The following LGI4 variants were observed in gnomAD, a reference collection of about 807,000 sequenced individuals.
LGI4 encodes leucine rich repeat LGI family member 4.
Under a neutral mutation model 48.3 loss-of-function variants are expected in LGI4, and 36 were observed. The ratio of observed to expected loss-of-function variants is 0.75; its 90% CI spans 0.57 to 0.98. The LOEUF is 0.98. LGI4 is among the 50% of genes least tolerant of loss of function. The pLI is 0.00. For synonymous variants in LGI4, 355 were observed against 331.6 expected (o/e 1.07, Z -0.77); for missense variants, 701 against 732.1 (o/e 0.96, Z 0.49).
At chr19:35,130,397 A>G (rs527336556) in intron 6 of LGI4, among the ~76,000 whole-genome samples, 23 of 152,306 alleles carry the variant, frequency 1.5e-4, no homozygotes, top group African/African-American at 5.1e-4. Context: ...TATTCATAGC[A>G]TCTGTGGCCG....
chr19:35,124,964 G>T lies in LGI4; in HGVS notation c.*229C>A. The T allele has an allele frequency of 2.5e-6, 1 of 401,874 alleles. No individual in the cohort carries two copies. The highest frequency in any genetic ancestry group is 4.4e-6 in the Non-Finnish European group (1 of 226,824). 24.9% of individuals were successfully genotyped at this position (401,874 alleles called of 1,614,324 possible). A position where few individuals can be genotyped will look rare whatever the true frequency, so the allele number is the denominator to read the frequency against. On this transcript the variant is annotated 3_prime_UTR_variant, in exon 9 of 9. Transcript: ENST00000310123. ...TCTGCCCCAGCCGAGATGTCCAGAT[G>T]TTGCTTTAGACCTGAAGGGCAGCTC...
chr19:35,133,505 A>G, intron 3 of LGI4, 188 bp downstream of exon 3: 1 of 1,429,354 alleles, frequency 7.0e-7, no homozygotes, highest in Non-Finnish European at 9.1e-7. Context: ...ACCAGCCCTG[A>G]GAACTTCATC....
chr19:35,126,749 G>A lies in LGI4; in HGVS notation c.820C>T (p.Leu274=). 6.5e-7 allele frequency: 1 copy of A among 1,542,930 alleles called. No individual in the cohort carries two copies. Among genetic ancestry groups the A allele is most frequent in the South Asian group, 1.2e-5 (1 of 84,392 alleles). The change falls in exon 8 of 9, where the codon CTG becomes TTG. Residue 274 remains leucine, a synonymous_variant. Transcript: ENST00000310123. The part of the protein sequence containing the change: ...PAASVVSCKP[L]VLGPSLFVLA... ...ACGAAGAGGCTCGGGCCCAGCACCAGTGGCTTGCAGGACACCACGGAGGCC... is the reference window on the plus strand; with the variant it reads ...ACGAAGAGGCTCGGGCCCAGCACCAATGGCTTGCAGGACACCACGGAGGCC...
chr19:35,131,061 A>G (rs1182521263), intron 6 of LGI4: 2 of 590,548 alleles, frequency 3.4e-6, no homozygotes, highest in African/African-American at 1.9e-5. Flanking sequence ...TTCTTAGCGC[A>G]ATACTTGGCA....
intron 6 of LGI4, among the ~76,000 whole-genome samples, chr19:35,127,612 T>C (rs962002146): frequency 6.6e-6 from 1 of 151,936 alleles, no homozygotes; most frequent in South Asian, 2.1e-4. Context: ...TGTCTCGAAC[T>C]CCTGACCTCA....
chr19:35,128,811 TC>T (rs1195600651), intron 6 of LGI4, among the ~76,000 whole-genome samples: 1 of 152,130 alleles, frequency 6.6e-6, no homozygotes, highest in African/African-American at 2.4e-5. Context: ...TACCTGTCCC[TC>T]CACTCACTAC....
chr19:35,133,716 C>A lies in LGI4; in HGVS notation c.291G>T (p.Ala97=). Residue 97 remains alanine, a synonymous_variant, in exon 3 of 9, where the codon GCG becomes GCT. Transcript: ENST00000310123. ...ACAGGTACTGCAGGTGGGACAGGCC[C>A]GCAAATGCATCGTCCTCAATCACGG... ...SFSVIEDDAF[A]GLSHLQYLFI... 6.2e-7 allele frequency: 1 copy of A among 1,608,158 alleles called. No homozygotes were observed. Among genetic ancestry groups the A allele is most frequent in the Non-Finnish European group, 8.5e-7 (1 of 1,177,780 alleles).
intron 6 of LGI4, chr19:35,131,029 G>A: frequency 1.7e-6 from 1 of 579,932 alleles, no homozygotes; most frequent in African/African-American, 1.9e-5. Flanking sequence ...TCAATGTAAA[G>A]GAGGTGACAT....
Position 35,125,256 on chromosome 19 carries a change from A to G in LGI4, c.1551T>C (p.Phe517=), listed in dbSNP as rs762230890. ...GTGTGGGGCCCTTAAAGCAAGCAGC[A>G]AAGAGGAAGCGTCTGCCGGCCATAG... ...HITMAGRRFL[F]AACFKGPTQI... is the part of the protein sequence containing the mutation. The change falls in exon 9 of 9, where the codon TTT becomes TTC. Residue 517 remains phenylalanine, a synonymous_variant. Transcript: ENST00000310123. 6.3e-7 allele frequency: 1 copy of G among 1,594,084 alleles called. No individual in the cohort carries two copies. Among genetic ancestry groups the G allele is most frequent in the Admixed American group, 1.8e-5 (1 of 56,472 alleles).
At position 35,131,983 on chromosome 19, in the gene LGI4, G is replaced by A. The variant is rs528007373; in HGVS notation, c.374C>T (p.Ser125Leu). The A allele has an allele frequency of 2.0e-4, 316 of 1,589,004 alleles. 1 individual carries two copies. The highest frequency in any genetic ancestry group is 2.6e-4 in the Non-Finnish European group (306 of 1,167,412). The change falls in exon 4 of 9, where the codon TCG becomes TTG. Residue 125 changes from serine to leucine, a missense_variant. Coordinates refer to ENST00000310123, the MANE Select transcript of LGI4 (RefSeq NM_139284.3). ...TGGAGGCACGCACAGGTGTGTAAGC[G>A]AGCGAAGTCCTCTGAGGGCATTCTT... is the stretch of plus-strand genomic sequence containing the variant. Reference protein sequence around the residue: ...ISKNALRGLRSLTHLSLANNH... With the variant: ...ISKNALRGLRLLTHLSLANNH...
Position 35,125,167 on chromosome 19 carries a change from C to T in LGI4, c.*26G>A. ...CCAAGGGGCCGTCCAGGGGCCCCAG[C>T]CATGCCCAGAGTCCCGTTGGTGGTC... On this transcript the variant is annotated 3_prime_UTR_variant, in exon 9 of 9. Coordinates refer to ENST00000310123, the MANE Select transcript of LGI4 (RefSeq NM_139284.3). The T allele has an allele frequency of 6.6e-7, 1 of 1,505,132 alleles. No individual in the cohort carries two copies. Among genetic ancestry groups the T allele is most frequent in the Non-Finnish European group, 8.9e-7 (1 of 1,125,026 alleles). 93.2% of individuals were successfully genotyped at this position (1,505,132 alleles called of 1,614,324 possible).
chr19:35,126,279 C>T lies in LGI4; in HGVS notation c.1290G>A (p.Gly430=). 4 of 1,611,850 alleles carry T rather than the reference C, an allele frequency of 2.5e-6. No homozygotes were observed. The highest frequency in any genetic ancestry group is 3.4e-6 in the Non-Finnish European group (4 of 1,179,528). ...CCAGGCCCAGCCTCACCATGGAGTC[C>T]CCAATGTAGCGTGTGAGGCACAGGA... ...DVFLCLTRYI[G]DSMVMRWDGS... Residue 430 remains glycine, a synonymous_variant, in exon 8 of 9, where the codon GGG becomes GGA. Coordinates refer to ENST00000310123, the MANE Select transcript of LGI4 (RefSeq NM_139284.3).
At position 35,126,319 on chromosome 19, in the gene LGI4, G is replaced by A; in HGVS notation, c.1250C>T (p.Ala417Val). The A allele has an allele frequency of 6.2e-7, 1 of 1,611,882 alleles. No individual in the cohort carries two copies. Among genetic ancestry groups the A allele is most frequent in the Non-Finnish European group, 8.5e-7 (1 of 1,179,516 alleles). ...GAGGCACAGGAACACGTCCCCACCA[G>A]CCTGGAAGTGGCGTGTGGCATAGAC... ...EDVYATRHFQ[A>V]GGDVFLCLTR... is the part of the protein sequence containing the mutation. Residue 417 changes from alanine (A) to valine (V), a missense_variant, in exon 8 of 9, where the codon GCT (alanine) becomes GTT (valine). This residue lies in a region of LGI4 where 223 missense variants were observed against 263.3 expected (regional missense o/e 0.85). Coordinates refer to ENST00000310123, the MANE Select transcript of LGI4 (RefSeq NM_139284.3).
In LGI4 at chr19:35,134,746, T is replaced by C. The variant is rs925133794; in HGVS notation, c.-66A>G. On this transcript the variant is annotated 5_prime_UTR_variant, in exon 1 of 9. Coordinates refer to ENST00000310123, the MANE Select transcript of LGI4 (RefSeq NM_139284.3). Reference sequence around the variant, plus strand: ...ACCCAGCTCAGCCCAGGCCACTACGTCTCCTCCTCCACCAGGCCGCCCTCC... The same window carrying C: ...ACCCAGCTCAGCCCAGGCCACTACGCCTCCTCCTCCACCAGGCCGCCCTCC... 10 of 850,556 alleles carry C rather than the reference T, an allele frequency of 1.2e-5. No individual in the cohort carries two copies. In the African/African-American group the frequency reaches 1.8e-4, roughly 15 times the overall value. The allele number at this position is 850,556 out of a possible 1,614,324, so 52.7% of individuals were successfully genotyped here. A position where few individuals can be genotyped will look rare whatever the true frequency, so the allele number is the denominator to read the frequency against.
chr19:35,133,595 C>T, intron 3 of LGI4, 98 bp downstream of exon 3: 1 of 1,501,584 alleles, frequency 6.7e-7, no homozygotes, highest in South Asian at 1.2e-5. Context: ...AACACCTGCT[C>T]CTCAGGGCCA....
In LGI4 at chr19:35,125,500, C is replaced by T. The variant is rs773877731; in HGVS notation, c.1307G>A (p.Arg436His). 12 of 1,555,490 alleles carry T rather than the reference C, an allele frequency of 7.7e-6. No homozygotes were observed. Among genetic ancestry groups the T allele is most frequent in the Admixed American group, 7.5e-5 (4 of 52,984 alleles). ...TRYIGDSMVMRWDGSMFRLLQ... is the reference protein window; with the variant it reads ...TRYIGDSMVMHWDGSMFRLLQ... ...CAGACGAAACATGGAGCCGTCCCAG[C>T]GCATGACCTGTGGGGGTGTGGCCAG... The change falls in exon 9 of 9, where the codon CGC becomes CAC. Residue 436 changes from arginine to histidine, a missense_variant. This residue lies in a region of LGI4 where 223 missense variants were observed against 263.3 expected (regional missense o/e 0.85). Transcript: ENST00000310123.
Position 35,125,111 on chromosome 19 carries a change from G to T in LGI4, c.*82C>A. Reference sequence around the variant, plus strand: ...GCCCACGGTCAGCAGCTCACAGGCGGGCCATCACCCCAAGTAGGGCCAGGA... The same window carrying T: ...GCCCACGGTCAGCAGCTCACAGGCGTGCCATCACCCCAAGTAGGGCCAGGA... On this transcript the variant is annotated 3_prime_UTR_variant, in exon 9 of 9. Coordinates refer to ENST00000310123, the MANE Select transcript of LGI4 (RefSeq NM_139284.3). 1.6e-6 allele frequency: 2 copies of T among 1,245,132 alleles called. No individual in the cohort carries two copies. The highest frequency in any genetic ancestry group is 1.6e-5 in the South Asian group (1 of 60,912). 77.1% of individuals were successfully genotyped at this position (1,245,132 alleles called of 1,614,324 possible).
chr19:35,132,119 T>C (rs1187957631), intron 3 of LGI4, 77 bp from the exon 4 acceptor site: 1 of 1,195,430 alleles, frequency 8.4e-7, no homozygotes. Flanking sequence ...ATAGGCCCAC[T>C]GGAAGGTGCT....
chr19:35,134,760 A>G lies in LGI4; in HGVS notation c.-80T>C. Reference sequence around the variant, plus strand: ...AGGCCACTACGTCTCCTCCTCCACCAGGCCGCCCTCCATCCGCCTGCTGGC... The same window carrying G: ...AGGCCACTACGTCTCCTCCTCCACCGGGCCGCCCTCCATCCGCCTGCTGGC... On this transcript the variant is annotated 5_prime_UTR_variant, in exon 1 of 9. Coordinates refer to ENST00000310123, the MANE Select transcript of LGI4 (RefSeq NM_139284.3). The G allele has an allele frequency of 1.4e-6, 1 of 712,848 alleles. No homozygotes were observed. The highest frequency in any genetic ancestry group is 2.2e-6 in the Non-Finnish European group (1 of 454,940). 44.2% of individuals were successfully genotyped at this position (712,848 alleles called of 1,614,324 possible). A position where few individuals can be genotyped will look rare whatever the true frequency, so the allele number is the denominator to read the frequency against.
Sources: allele counts gnomAD v4.1 joint callset (sites outside exome capture counted in the v4.1 genomes callset), GRCh38; gene constraint gnomAD v4.1.1; regional missense constraint gnomAD v4.1.1; transcripts MANE v1.5; gene names NCBI Gene and HGNC (gene_info 2026-07-23, HGNC 2026-07-21).